SULF1: variants seen among roughly 807,000 people sequenced by gnomAD.
SULF1 encodes the protein sulfatase 1.
In SULF1, 46 loss-of-function variants were observed where a neutral mutation model predicts 110.5. The observed-to-expected ratio is 0.42, with a 90% CI of 0.33 to 0.53. The LOEUF is 0.53. Ranked by LOEUF, SULF1 falls within the 20% of genes least tolerant of loss-of-function variation. The pLI is 0.12. For missense variants in SULF1, 941 were observed against 1,094.2 expected, an observed-to-expected ratio of 0.86 and a Z score of 1.98; for synonymous variants, 371 against 387.1, an observed-to-expected ratio of 0.96 and a Z score of 0.49.
In SULF1 at chr8:69,640,623, C is replaced by G. The variant is rs16936205; in HGVS notation, c.2552-185C>G. Among the ~76,000 whole-genome samples the G allele has an allele frequency of 0.038, 5,759 of 151,932 alleles. 357 individuals are homozygous for G. Among genetic ancestry groups the G allele is most frequent in the African/African-American group, 0.13 (5,449 of 41,388 alleles). The stretch of plus-strand genomic sequence containing the variant: ...TTTTTTTTTTTATCTTAAACCTTTT[C>G]ATTCATAGCTTTCAATCTGCATTTT... On this transcript the variant is annotated intron_variant, in intron 21 of 22. Transcript: ENST00000402687.
intron 8 of SULF1, among the ~76,000 whole-genome samples, chr8:69,591,213 G>A (rs1223627222): frequency 6.6e-6 from 1 of 152,124 alleles, no homozygotes; most frequent in Non-Finnish European, 1.5e-5. Flanking sequence ...TGCATGAGGG[G>A]AGGAGCCTGC....
chr8:69,486,703 A>G lies in SULF1; in HGVS notation c.-390-9062A>G, dbSNP rs571970255. ...ACAGAACACACAGCCGAGTCTATAC[A>G]TTGCTTGTTAAGTACTGGCCCAAGT... On this transcript the variant is annotated intron_variant, in intron 1 of 22. Transcript: ENST00000260128. Among the ~76,000 whole-genome samples, 5 of 152,196 alleles carry G rather than the reference A, an allele frequency of 3.3e-5. No homozygotes were observed. The East Asian group carries it at 9.7e-4, about 29-fold the overall frequency.
intron 19 of SULF1, among the ~76,000 whole-genome samples, chr8:69,636,539 G>T (rs902070810): frequency 4.9e-4 from 70 of 144,252 alleles, no homozygotes; most frequent in African/African-American, 1.7e-3. Flanking sequence ...TCCATCTCAA[G>T]AAAAAAAAAA....
intron 5 of SULF1, among the ~76,000 whole-genome samples, chr8:69,569,851 C>A (rs1001466459): frequency 1.3e-5 from 2 of 151,988 alleles, no homozygotes; most frequent in Admixed American, 6.6e-5. Flanking sequence ...ACTACCTTTT[C>A]CCCCTTTGGT....
chr8:69,476,838 C>T (rs966016049), intron 1 of SULF1, among the ~76,000 whole-genome samples: 2 of 152,170 alleles, frequency 1.3e-5, no homozygotes, highest in African/African-American at 4.8e-5. Context: ...TCCAGTGCAA[C>T]GAACCAGAGA....
chr8:69,601,561 G>A (rs1807805025), intron 9 of SULF1, 93 bp from the exon 10 acceptor site: 1 of 1,129,712 alleles, frequency 8.9e-7, no homozygotes, highest in South Asian at 2.1e-5. Flanking sequence ...AAAAATAACA[G>A]GAAAAAGATT....
chr8:69,587,629 T>C (rs1806567772), intron 7 of SULF1, among the ~76,000 whole-genome samples: 1 of 152,208 alleles, frequency 6.6e-6, no homozygotes, highest in South Asian at 2.1e-4. Context: ...CCACTCATCC[T>C]AGGTCATATC....
Position 69,623,989 on chromosome 8 carries a change from G to A in SULF1, c.1642G>A (p.Val548Ile), listed in dbSNP as rs762476310. The A allele has an allele frequency of 1.2e-5, 20 of 1,614,034 alleles. No individual in the cohort carries two copies. The highest frequency in any genetic ancestry group is 1.6e-4 in the Middle Eastern group (1 of 6,084). ...VHTRQTRSLS[V>I]EFEGEIYDIN... ...TACTCGGCAGACACGTTCCTTGTCCGTCGAATTTGAAGGTGAAATATATGA... is the reference window on the plus strand; with the variant it reads ...TACTCGGCAGACACGTTCCTTGTCCATCGAATTTGAAGGTGAAATATATGA... Residue 548 changes from valine to isoleucine, a missense_variant, in exon 15 of 23, where the codon GTC becomes ATC. This residue lies in a region of SULF1 where 822 missense variants were observed against 934.3 expected (regional missense o/e 0.88). Coordinates refer to ENST00000402687, the MANE Select transcript of SULF1 (RefSeq NM_001128205.2).
At chr8:69,586,635 G>A (rs944431754) in intron 7 of SULF1, 127 bp downstream of exon 7, 1 of 1,097,034 alleles carries the variant, frequency 9.1e-7, no homozygotes, top group African/African-American at 1.6e-5. Context: ...CATGAGAAAT[G>A]TTAAGGTAAT....
intron 8 of SULF1, among the ~76,000 whole-genome samples, chr8:69,598,114 A>AG (rs1277990856): frequency 1.3e-5 from 2 of 151,730 alleles, no homozygotes; most frequent in Admixed American, 1.3e-4. Context: ...TCAGGCCAAA[A>AG]AAAAAAAAAG....
At chr8:69,519,676 G>A (rs146451240) in intron 3 of SULF1, among the ~76,000 whole-genome samples, 3 of 152,292 alleles carry the variant, frequency 2.0e-5, no homozygotes, top group African/African-American at 7.2e-5. Context: ...GACAAATAGA[G>A]TATCTACCTT....
intron 22 of SULF1, chr8:69,642,283 A>G: frequency 2.0e-6 from 2 of 987,084 alleles, no homozygotes; most frequent in South Asian, 9.4e-5. Context: ...ATGGTCTCAG[A>G]TGCTTCCTTT....
At chr8:69,608,825 C>T (rs982528134) in intron 13 of SULF1, among the ~76,000 whole-genome samples, 2 of 152,192 alleles carry the variant, frequency 1.3e-5, no homozygotes, top group Admixed American at 6.5e-5. Flanking sequence ...ATTACTTCCA[C>T]GTTCCTGAAT....
intron 22 of SULF1, among the ~76,000 whole-genome samples, chr8:69,647,210 T>C (rs1291742170): frequency 6.6e-6 from 1 of 151,692 alleles, no homozygotes; most frequent in Non-Finnish European, 1.5e-5. Flanking sequence ...CCCAAAGTGC[T>C]GAGATTACAG....
chr8:69,575,868 GGAAAT>G, intron 5 of SULF1, 97 bp from the exon 6 acceptor site: 2 of 1,405,336 alleles, frequency 1.4e-6, no homozygotes, highest in South Asian at 1.4e-5. Flanking sequence ...GCTAAGGAAA[GGAAAT>G]GAATAAGTCA....
intron 3 of SULF1, among the ~76,000 whole-genome samples, chr8:69,545,424 G>C (rs963038095): frequency 7.2e-5 from 11 of 152,076 alleles, no homozygotes; most frequent in African/African-American, 2.4e-4. Flanking sequence ...ACCAAAATAG[G>C]GCCTTATTGA....
At chr8:69,492,505 C>G (rs1809992504), upstream of SULF1, among the ~76,000 whole-genome samples, 1 of 152,160 alleles carries the variant, frequency 6.6e-6, no homozygotes, top group Non-Finnish European at 1.5e-5. Context: ...AATACCACAT[C>G]TTCCCATCCA....
At chr8:69,509,198 T>A (rs111268247) in intron 3 of SULF1, among the ~76,000 whole-genome samples, 1,614 of 152,318 alleles carry the variant, frequency 0.011, 45 homozygotes, top group African/African-American at 0.035. Context: ...TGATCATTAG[T>A]TCCCATCATA....
intron 8 of SULF1, among the ~76,000 whole-genome samples, chr8:69,591,518 C>T (rs373416043): frequency 2.0e-4 from 30 of 151,292 alleles, no homozygotes; most frequent in Admixed American, 7.9e-4. Context: ...GAGCCGAGAT[C>T]GCACCACTGC....
Sources: gnomAD v4.1 joint callset for allele counts (sites outside exome capture counted in the v4.1 genomes callset) on GRCh38, gnomAD v4.1.1 for gene constraint, gnomAD v4.1.1 regional missense constraint, MANE v1.5 for transcripts, NCBI Gene and HGNC (gene_info 2026-07-23, HGNC 2026-07-21) for gene names.